The following PRKG1 variants were observed in gnomAD, a reference collection of about 807,000 sequenced individuals.
PRKG1 encodes protein kinase cGMP-dependent 1.
PRKG1 carries 35 observed loss-of-function variants against 88.1 expected under a neutral mutation model. That is an observed-to-expected ratio of 0.40 (90% CI 0.30 to 0.53). The LOEUF is 0.53. Ranked by LOEUF, PRKG1 falls within the 20% of genes least tolerant of loss-of-function variation. PRKG1 has a pLI of 0.59. For missense variants in PRKG1, 540 were observed against 839.8 expected (o/e 0.64, Z 4.41); for synonymous variants, 303 against 292.5 (o/e 1.04, Z -0.37).
chr10:52,270,451 C>T (rs893104893), intron 10 of PRKG1, among the ~76,000 whole-genome samples: 3 of 152,038 alleles, frequency 2.0e-5, no homozygotes, highest in African/African-American at 7.2e-5. Context: ...TTCACAATAG[C>T]AAAGACTTGG....
At chr10:51,533,625 A>G (rs1842071572) in intron 3 of PRKG1, among the ~76,000 whole-genome samples, 1 of 152,044 alleles carries the variant, frequency 6.6e-6, no homozygotes, top group Non-Finnish European at 1.5e-5. Context: ...TTTAAAAAAA[A>G]AAAAAAAAGC....
At chr10:51,683,731 C>T (rs1193466586) in intron 3 of PRKG1, among the ~76,000 whole-genome samples, 4 of 152,094 alleles carry the variant, frequency 2.6e-5, no homozygotes, top group Non-Finnish European at 4.4e-5. Context: ...TAATTCAGTC[C>T]CCAACCCTCA....
intron 3 of PRKG1, among the ~76,000 whole-genome samples, chr10:51,746,253 A>G (rs1202052735): frequency 6.6e-6 from 1 of 151,994 alleles, no homozygotes; most frequent in Non-Finnish European, 1.5e-5. Flanking sequence ...CCGAACAAGC[A>G]ACCTGTGTAG....
intron 9 of PRKG1, among the ~76,000 whole-genome samples, chr10:52,211,038 G>A (rs999390561): frequency 2.6e-5 from 4 of 151,984 alleles, no homozygotes; most frequent in Non-Finnish European, 4.4e-5. Context: ...AACATGTGTC[G>A]GCTACTATAC....
intron 3 of PRKG1, among the ~76,000 whole-genome samples, chr10:51,516,435 A>G (rs1001857781): frequency 6.6e-6 from 1 of 152,134 alleles, no homozygotes; most frequent in South Asian, 2.1e-4. Context: ...ATTGGAAAAA[A>G]AAAAATTCAA....
chr10:51,066,102 A>T (rs139780117), intron 1 of PRKG1, among the ~76,000 whole-genome samples: 1 of 152,202 alleles, frequency 6.6e-6, no homozygotes, highest in African/African-American at 2.4e-5. Flanking sequence ...GAGAATTCCC[A>T]TTGGAAGCTA....
At chr10:52,279,913 A>G (rs1172749261) in intron 12 of PRKG1, among the ~76,000 whole-genome samples, 1 of 152,134 alleles carries the variant, frequency 6.6e-6, no homozygotes, top group Non-Finnish European at 1.5e-5. Flanking sequence ...TACCATGAAA[A>G]AAAAAAAGAA....
chr10:52,058,623 A>G (rs1045473918), intron 6 of PRKG1, among the ~76,000 whole-genome samples: 2 of 152,038 alleles, frequency 1.3e-5, no homozygotes, highest in Non-Finnish European at 2.9e-5. Flanking sequence ...GGACCAAAAC[A>G]GGGGAACCTT....
chr10:51,017,715 TA>T (rs1443139425), intron 1 of PRKG1, among the ~76,000 whole-genome samples: 1 of 152,140 alleles, frequency 6.6e-6, no homozygotes, highest in Non-Finnish European at 1.5e-5. Flanking sequence ...GGTGTCATTT[TA>T]AATCATCATT....
chr10:51,243,735 C>T (rs1038972415), intron 2 of PRKG1, among the ~76,000 whole-genome samples: 1 of 152,134 alleles, frequency 6.6e-6, no homozygotes, highest in Admixed American at 6.6e-5. Context: ...GGACTATGGG[C>T]CTGATGCCAA....
At chr10:52,163,225 T>TTGTGTGTGTGTGTGTGTG (rs150295348) in intron 9 of PRKG1, among the ~76,000 whole-genome samples, 2 of 146,812 alleles carry the variant, frequency 1.4e-5, no homozygotes, top group African/African-American at 5.0e-5. Flanking sequence ...TTTCGTGTGT[T>TTGTGTGTGTGTGTGTGTG]TGTGTGTGTG....
At chr10:51,201,353 G>A (rs925810093) in intron 2 of PRKG1, among the ~76,000 whole-genome samples, 2 of 152,102 alleles carry the variant, frequency 1.3e-5, no homozygotes, top group Admixed American at 6.5e-5. Flanking sequence ...TCAGGGGGCC[G>A]AGGCAGGAGA....
intron 2 of PRKG1, among the ~76,000 whole-genome samples, chr10:51,321,514 G>A (rs761782260): frequency 1.3e-5 from 2 of 151,930 alleles, no homozygotes; most frequent in South Asian, 2.1e-4. Flanking sequence ...AGCCAGGCAC[G>A]GAAAGACAAA....
chr10:52,105,592 A>T (rs1398343908), intron 7 of PRKG1, among the ~76,000 whole-genome samples: 1 of 151,562 alleles, frequency 6.6e-6, no homozygotes, highest in Non-Finnish European at 1.5e-5. Flanking sequence ...TTGCACTTTT[A>T]TTTATTTTTT....
chr10:51,706,566 A>G (rs144400689), intron 3 of PRKG1, among the ~76,000 whole-genome samples: 2 of 152,292 alleles, frequency 1.3e-5, no homozygotes, highest in East Asian at 1.9e-4. Context: ...CAGGAAAGGA[A>G]AGAAATTAGA....
At chr10:51,048,829 A>C (rs555706778) in intron 1 of PRKG1, among the ~76,000 whole-genome samples, 9 of 151,706 alleles carry the variant, frequency 5.9e-5, no homozygotes, top group Admixed American at 5.9e-4. Flanking sequence ...AATAAGTCCA[A>C]ACTAAGAAGA....
chr10:52,013,414 G>A (rs1297700935), intron 5 of PRKG1, among the ~76,000 whole-genome samples: 6 of 135,764 alleles, frequency 4.4e-5, no homozygotes, highest in African/African-American at 8.7e-5. Context: ...GCGAGACTCC[G>A]TCTCAAAAAA....
At chr10:51,118,050 A>T (rs996851018) in intron 1 of PRKG1, among the ~76,000 whole-genome samples, 3 of 152,156 alleles carry the variant, frequency 2.0e-5, no homozygotes, top group African/African-American at 4.8e-5. Context: ...TAGATGTTGG[A>T]TGAGGGGAAG....
At chr10:51,951,245 T>C (rs10762513) in intron 5 of PRKG1, among the ~76,000 whole-genome samples, 70,609 of 152,070 alleles carry the variant, frequency 0.46, 18,670 homozygotes, top group African/African-American at 0.71. Flanking sequence ...CTGCCTCCTG[T>C]TGCTCTCAGT....
Sources: gnomAD v4.1 joint callset for allele counts (sites outside exome capture counted in the v4.1 genomes callset) on GRCh38, gnomAD v4.1.1 for gene constraint, MANE v1.5 for transcripts, NCBI Gene and HGNC (gene_info 2026-07-23, HGNC 2026-07-21) for gene names.